The following NREP variants were observed in gnomAD, a reference collection of about 807,000 sequenced individuals.
The protein encoded by NREP is neuronal regeneration related protein.
A neutral mutation model predicts 8.6 loss-of-function variants in NREP; 5 were observed. The observed-to-expected ratio is 0.58, with a 90% confidence interval of 0.30 to 1.22. NREP has a LOEUF of 1.22. NREP is among the 50% of genes most tolerant of loss of function. The probability of loss-of-function intolerance (pLI) is 0.07; values close to 1 mark genes in which losing one functional copy is unlikely to be tolerated. For missense variants in NREP, 86 were observed against 82.5 expected, an observed-to-expected ratio of 1.04 and a Z score of -0.17; for synonymous variants, 27 against 28.0, an observed-to-expected ratio of 0.96 and a Z score of 0.11.
intron 2 of NREP, among the ~76,000 whole-genome samples, chr5:111,844,336 T>A (rs910427162): frequency 8.5e-5 from 13 of 152,086 alleles, no homozygotes; most frequent in Non-Finnish European, 1.5e-4. Context: ...GACTTTTATT[T>A]TCTTTCTCAT....
intron 2 of NREP, among the ~76,000 whole-genome samples, chr5:111,965,966 G>A (rs1756633254): frequency 6.6e-6 from 1 of 152,168 alleles, no homozygotes; most frequent in Admixed American, 6.5e-5. Context: ...GAAGCCCCCA[G>A]GTTAACAGGC....
intron 2 of NREP, among the ~76,000 whole-genome samples, chr5:111,765,295 C>T (rs1214258727): frequency 6.6e-6 from 1 of 152,164 alleles, no homozygotes; most frequent in African/African-American, 2.4e-5. Flanking sequence ...GGCAGTAATG[C>T]TTGCTCACCC....
At chr5:111,887,138 G>A (rs1754280442) in intron 2 of NREP, among the ~76,000 whole-genome samples, 1 of 151,972 alleles carries the variant, frequency 6.6e-6, no homozygotes, top group Non-Finnish European at 1.5e-5. Context: ...TGCCTAGGCT[G>A]GTCTCGAGCT....
At chr5:111,798,354 G>A (rs1489541256) in intron 2 of NREP, among the ~76,000 whole-genome samples, 3 of 151,936 alleles carry the variant, frequency 2.0e-5, no homozygotes, top group African/African-American at 7.3e-5. Flanking sequence ...GAAAATTTGG[G>A]CTTTTTTAAT....
chr5:111,836,558 T>A (rs573955199), intron 2 of NREP, among the ~76,000 whole-genome samples: 2 of 152,122 alleles, frequency 1.3e-5, no homozygotes, highest in Admixed American at 1.3e-4. Flanking sequence ...TTGCTTTGGG[T>A]GGGAGACAAA....
chr5:111,778,756 A>T (rs1008624164), intron 2 of NREP, among the ~76,000 whole-genome samples: 33 of 152,162 alleles, frequency 2.2e-4, no homozygotes, highest in Non-Finnish European at 2.9e-4. Flanking sequence ...CATATTCTTT[A>T]ACATCTTGCA....
intron 2 of NREP, among the ~76,000 whole-genome samples, chr5:111,886,137 C>G (rs1456488313): frequency 6.6e-6 from 1 of 152,048 alleles, no homozygotes; most frequent in African/African-American, 2.4e-5. Flanking sequence ...AAAAATCAAA[C>G]AACCCCATCA....
chr5:111,782,929 C>T (rs543341749), intron 2 of NREP, among the ~76,000 whole-genome samples: 4 of 152,082 alleles, frequency 2.6e-5, no homozygotes, highest in South Asian at 2.1e-4. Context: ...GACAAGGTTT[C>T]GCTATGTTGG....
At chr5:111,885,681 A>G (rs1266133491) in intron 2 of NREP, among the ~76,000 whole-genome samples, 1 of 152,200 alleles carries the variant, frequency 6.6e-6, no homozygotes, top group African/African-American at 2.4e-5. Context: ...ATCTTCAACT[A>G]TCTGATCTTT....
At chr5:111,851,458 T>C (rs1343299308) in intron 2 of NREP, among the ~76,000 whole-genome samples, 2 of 152,176 alleles carry the variant, frequency 1.3e-5, no homozygotes, top group African/African-American at 2.4e-5. Flanking sequence ...TGTGTGTACA[T>C]ATATAGAGAG....
At chr5:111,764,859 G>C (rs1180177469) in intron 2 of NREP, among the ~76,000 whole-genome samples, 1 of 152,164 alleles carries the variant, frequency 6.6e-6, no homozygotes, top group Admixed American at 6.5e-5. Context: ...TTATGAAGGT[G>C]CTTGCATTTA....
intron 2 of NREP, among the ~76,000 whole-genome samples, chr5:111,741,170 T>G (rs1329327576): frequency 6.6e-6 from 1 of 152,174 alleles, no homozygotes; most frequent in East Asian, 1.9e-4. Context: ...CGTATCTGTC[T>G]CCTGCAATTA....
At chr5:111,738,344 C>T (rs1315643795) in intron 2 of NREP, 1 of 152,240 alleles carries the variant, frequency 6.6e-6, no homozygotes, top group African/African-American at 2.4e-5. Flanking sequence ...AACTTCCATT[C>T]CATTCCCAGT....
chr5:111,729,625 A>G lies in NREP; in HGVS notation c.*1296T>C, dbSNP rs1286108555. The G allele has an allele frequency of 6.5e-6, 1 of 152,680 alleles. No individual in the cohort carries two copies. The highest frequency in any genetic ancestry group is 2.4e-5 in the African/African-American group (1 of 41,468). 9.5% of individuals were successfully genotyped at this position (152,680 alleles called of 1,614,324 possible). On this transcript the variant is annotated 3_prime_UTR_variant, in exon 4 of 4. Coordinates refer to ENST00000257435, the MANE Select transcript of NREP (RefSeq NM_004772.4). ...TTAACAGTCAGAAGCGAAACAGTTC[A>G]GAACAAGGCCTGCCCTGTCAAAAGA...
intron 2 of NREP, among the ~76,000 whole-genome samples, chr5:111,753,011 C>T (rs1750459408): frequency 6.6e-6 from 1 of 150,434 alleles, no homozygotes; most frequent in Admixed American, 6.6e-5. Context: ...AGCAGAAAGC[C>T]AAATGTAAAT....
chr5:111,870,540 G>T (rs1349458841), intron 2 of NREP, among the ~76,000 whole-genome samples: 1 of 152,128 alleles, frequency 6.6e-6, no homozygotes, highest in Non-Finnish European at 1.5e-5. Flanking sequence ...AAATTAAAAG[G>T]TCTTCGGTAT....
At chr5:111,917,008 G>C (rs2112572346) in intron 2 of NREP, among the ~76,000 whole-genome samples, 1 of 152,122 alleles carries the variant, frequency 6.6e-6, no homozygotes, top group Non-Finnish European at 1.5e-5. Context: ...GGGCACCGTG[G>C]AGATCCAATG....
chr5:111,897,900 C>T (rs979600532), intron 2 of NREP, among the ~76,000 whole-genome samples: 3 of 151,900 alleles, frequency 2.0e-5, no homozygotes, highest in African/African-American at 7.3e-5. Context: ...AATTTGATTG[C>T]TTTTTTTGTT....
chr5:111,812,431 G>A (rs1378705834), intron 2 of NREP, among the ~76,000 whole-genome samples: 3 of 152,084 alleles, frequency 2.0e-5, no homozygotes, highest in Non-Finnish European at 2.9e-5. Context: ...AAGATTGTAG[G>A]TATCCAGTAA....
Sources: allele counts gnomAD v4.1 joint callset (sites outside exome capture counted in the v4.1 genomes callset), GRCh38; gene constraint gnomAD v4.1.1; transcripts MANE v1.5; gene names NCBI Gene and HGNC (gene_info 2026-07-23, HGNC 2026-07-21).